ZNF532: variants seen among roughly 807,000 people sequenced by gnomAD.
The protein encoded by ZNF532 is zinc finger protein 532.
In ZNF532, 22 loss-of-function variants were observed where a neutral mutation model predicts 89.3. That is an observed-to-expected ratio of 0.25 (90% CI 0.18 to 0.35). ZNF532 has a LOEUF of 0.35. Ranked by LOEUF, ZNF532 falls within the 10% of genes least tolerant of loss-of-function variation. The pLI is 1.00. For synonymous variants in ZNF532, 606 were observed against 649.6 expected (o/e 0.93, Z 1.02); for missense variants, 1,132 against 1,643.4 (o/e 0.69, Z 5.38).
chr18:58,907,671 G>A (rs2060020481), intron 2 of ZNF532, among the ~76,000 whole-genome samples: 1 of 152,138 alleles, frequency 6.6e-6, no homozygotes, highest in South Asian at 2.1e-4. Context: ...AGGATGGTCA[G>A]GTAGCTGTGC....
chr18:58,924,562 C>T lies in ZNF532; in HGVS notation c.2346+3929C>T, dbSNP rs897654691. 8.5e-5 allele frequency among the ~76,000 whole-genome samples: 13 copies of T among 152,290 alleles called. No individual in the cohort carries two copies. In the East Asian group the frequency reaches 1.5e-3, roughly 18 times the overall value. On this transcript the variant is annotated intron_variant, in intron 3 of 9. Coordinates refer to ENST00000591808, the MANE Select transcript of ZNF532 (RefSeq NM_001375912.1). ...CTGGAGAAAGGTATGACTTCATTAG[C>T]GGAGGGACCTCCTTCCCTTTTTCTT...
In ZNF532 at chr18:58,865,595, T is replaced by C. The variant is rs572970715; in HGVS notation, c.-18+16T>C. 2 of 153,210 alleles carry C rather than the reference T, an allele frequency of 1.3e-5. No individual in the cohort carries two copies. The highest frequency in any genetic ancestry group is 3.9e-4 in the East Asian group (2 of 5,190). 9.5% of individuals were successfully genotyped at this position (153,210 alleles called of 1,614,324 possible). A position where few individuals can be genotyped will look rare whatever the true frequency, so the allele number is the denominator to read the frequency against. On this transcript the variant is annotated intron_variant, in intron 2 of 9. Transcript: ENST00000591808. Reference sequence around the variant, plus strand: ...GGTTCACAAGGTGAGATACGCTGTTTTGAGCATGAATTTAAATATTTATTT... The same window carrying C: ...GGTTCACAAGGTGAGATACGCTGTTCTGAGCATGAATTTAAATATTTATTT...
At chr18:58,973,710 CATA>C (rs1298522464) in intron 7 of ZNF532, among the ~76,000 whole-genome samples, 6 of 152,132 alleles carry the variant, frequency 3.9e-5, no homozygotes, top group Non-Finnish European at 7.4e-5. Context: ...TGGCTTTATT[CATA>C]ATATCAAAAA....
At chr18:58,917,151 T>G (rs2060657566) in intron 2 of ZNF532, among the ~76,000 whole-genome samples, 2 of 152,318 alleles carry the variant, frequency 1.3e-5, no homozygotes, top group Admixed American at 1.3e-4. Context: ...CCTTTCCTTC[T>G]CTTCCTGGCT....
At chr18:58,940,958 ACTCTTT>A (rs1429187603) in intron 5 of ZNF532, among the ~76,000 whole-genome samples, 52 of 131,804 alleles carry the variant, frequency 3.9e-4, no homozygotes, top group African/African-American at 7.8e-4. Context: ...ACACACACAC[ACTCTTT>A]CTCTCTCTCT....
intron 7 of ZNF532, among the ~76,000 whole-genome samples, chr18:58,973,821 C>G (rs7239983): frequency 0.018 from 2,770 of 152,256 alleles, 111 homozygotes; most frequent in African/African-American, 0.063. Flanking sequence ...GGAACAAATA[C>G]CAATAGACCC....
chr18:58,935,762 G>C (rs1195856281), intron 4 of ZNF532, among the ~76,000 whole-genome samples: 1 of 151,860 alleles, frequency 6.6e-6, no homozygotes, highest in Non-Finnish European at 1.5e-5. Flanking sequence ...TTTGTTAATA[G>C]AGGTATTACT....
At chr18:58,902,185 G>A (rs2059647614) in intron 2 of ZNF532, among the ~76,000 whole-genome samples, 1 of 152,090 alleles carries the variant, frequency 6.6e-6, no homozygotes, top group Admixed American at 6.5e-5. Context: ...GTGCAGCGGT[G>A]TTGTCTGTGT....
chr18:58,931,517 G>A (rs561515637), intron 3 of ZNF532: 1 of 152,286 alleles, frequency 6.6e-6, no homozygotes, highest in African/African-American at 2.4e-5. Flanking sequence ...TTCTGTAACA[G>A]GAACAGTGAA....
At chr18:58,865,412 C>T (rs2056365182) in intron 1 of ZNF532, 27 bp downstream of exon 1, 2 of 152,558 alleles carry the variant, frequency 1.3e-5, no homozygotes, top group South Asian at 2.1e-4. Context: ...AGGAAATGAA[C>T]ATAAATGCAT....
At chr18:58,971,776 G>A (rs556694849) in intron 7 of ZNF532, among the ~76,000 whole-genome samples, 110 of 152,314 alleles carry the variant, frequency 7.2e-4, no homozygotes, top group African/African-American at 2.5e-3. Flanking sequence ...GCCTTCAATA[G>A]TTTATACAAA....
intron 2 of ZNF532, among the ~76,000 whole-genome samples, chr18:58,899,672 T>TTGACCAGGGTGGTCTCATG (rs2059476564): frequency 6.6e-6 from 1 of 152,196 alleles, no homozygotes; most frequent in Non-Finnish European, 1.5e-5. Context: ...TTCCACCATG[T>TTGACCAGGGTGGTCTCATG]TGACCAGGGT....
intron 2 of ZNF532, among the ~76,000 whole-genome samples, chr18:58,874,655 G>A (rs1330086362): frequency 1.3e-5 from 2 of 152,108 alleles, no homozygotes; most frequent in Non-Finnish European, 2.9e-5. Context: ...TTTTGTATTT[G>A]TAATCTAGTA....
At chr18:58,868,542 A>C (rs1378334388) in intron 2 of ZNF532, among the ~76,000 whole-genome samples, 2 of 152,014 alleles carry the variant, frequency 1.3e-5, no homozygotes, top group Non-Finnish European at 2.9e-5. Context: ...CTCGTCCTAG[A>C]GTTTGGGCTT....
chr18:58,938,595 C>A (rs2062671697), intron 4 of ZNF532, among the ~76,000 whole-genome samples: 1 of 152,162 alleles, frequency 6.6e-6, no homozygotes, highest in Non-Finnish European at 1.5e-5. Flanking sequence ...GACAAAACAC[C>A]TAGGTGGTTG....
At chr18:58,981,295 A>C (rs1396105573) in intron 8 of ZNF532, 175 bp from the exon 9 acceptor site, 1 of 750,276 alleles carries the variant, frequency 1.3e-6, no homozygotes, top group Non-Finnish European at 2.3e-6. Context: ...TAGACCTGTA[A>C]ATTAAGGGCC....
chr18:58,942,715 T>G (rs1000692947), intron 5 of ZNF532, among the ~76,000 whole-genome samples: 1 of 152,134 alleles, frequency 6.6e-6, no homozygotes, highest in African/African-American at 2.4e-5. Context: ...TTGGCCTACA[T>G]TTGACCCAAA....
At chr18:58,951,645 T>TG (rs2064170722) in intron 6 of ZNF532, among the ~76,000 whole-genome samples, 1 of 88,934 alleles carries the variant, frequency 1.1e-5, no homozygotes, top group African/African-American at 4.8e-5. Flanking sequence ...CTCGCCCTGT[T>TG]GTTTTTTTTT....
chr18:58,883,709 T>C (rs1809936936), intron 2 of ZNF532, among the ~76,000 whole-genome samples: 1 of 152,168 alleles, frequency 6.6e-6, no homozygotes, highest in African/African-American at 2.4e-5. Flanking sequence ...TGGGGAGGGC[T>C]GTCCTGTGCG....
Sources: allele counts gnomAD v4.1 joint callset (sites outside exome capture counted in the v4.1 genomes callset), GRCh38; gene constraint gnomAD v4.1.1; transcripts MANE v1.5; gene names NCBI Gene and HGNC (gene_info 2026-07-23, HGNC 2026-07-21).